The following LRRC8C variants were observed in gnomAD, a reference collection of about 807,000 sequenced individuals.
LRRC8C encodes leucine rich repeat containing 8 VRAC subunit C.
Under a neutral mutation model 55.3 loss-of-function variants are expected in LRRC8C, and 20 were observed. That is an observed-to-expected ratio of 0.36 (90% CI 0.25 to 0.53). The LOEUF is 0.53. Among genes scored for constraint, LRRC8C ranks in the 20% least tolerant of loss-of-function variants. LRRC8C has a pLI of 0.92. For synonymous variants in LRRC8C, 376 were observed against 360.7 expected (o/e 1.04, Z -0.48); for missense variants, 659 against 951.4 (o/e 0.69, Z 4.04).
intron 2 of LRRC8C, among the ~76,000 whole-genome samples, chr1:89,710,983 T>C (rs1658633361): frequency 6.6e-6 from 1 of 152,212 alleles, no homozygotes; most frequent in Non-Finnish European, 1.5e-5. Flanking sequence ...GTACTTGATG[T>C]CATCCGATTA....
chr1:89,640,735 C>T (rs1656431825), intron 1 of LRRC8C, among the ~76,000 whole-genome samples: 1 of 152,112 alleles, frequency 6.6e-6, no homozygotes, highest in South Asian at 2.1e-4. Flanking sequence ...GAGGTATGTC[C>T]AGGGTTTGGA....
At chr1:89,640,279 A>G (rs2002883) in intron 1 of LRRC8C, among the ~76,000 whole-genome samples, 84,783 of 152,070 alleles carry the variant, frequency 0.56, 24,060 homozygotes, top group East Asian at 0.79. Context: ...TGGCCAGGCT[A>G]AGCTTGAACT....
intron 1 of LRRC8C, chr1:89,661,196 A>G (rs1657110428): frequency 4.6e-6 from 1 of 215,444 alleles, no homozygotes; most frequent in Non-Finnish European, 9.6e-6. Context: ...AAGCAGCTTT[A>G]TAGTGAAACA....
intron 2 of LRRC8C, among the ~76,000 whole-genome samples, chr1:89,696,493 G>C (rs897779173): frequency 6.6e-6 from 1 of 152,142 alleles, no homozygotes; most frequent in Admixed American, 6.5e-5. Flanking sequence ...AAGGGGAAGA[G>C]AGAAGAGGGA....
intron 1 of LRRC8C, among the ~76,000 whole-genome samples, chr1:89,648,349 T>C (rs1656669024): frequency 1.3e-5 from 2 of 152,334 alleles, no homozygotes; most frequent in South Asian, 4.1e-4. Flanking sequence ...TTAACATTAC[T>C]GCAACATTGC....
intron 2 of LRRC8C, among the ~76,000 whole-genome samples, chr1:89,710,989 G>A (rs1387009375): frequency 6.6e-6 from 1 of 152,120 alleles, no homozygotes; most frequent in Non-Finnish European, 1.5e-5. Context: ...GATGTCATCC[G>A]ATTAAGATGG....
At chr1:89,678,268 A>C (rs1657602011) in intron 1 of LRRC8C, among the ~76,000 whole-genome samples, 2 of 152,246 alleles carry the variant, frequency 1.3e-5, no homozygotes, top group Non-Finnish European at 2.9e-5. Context: ...TTATTCATCA[A>C]ACATTAGTTG....
chr1:89,634,065 C>T (rs1244193172), intron 1 of LRRC8C, among the ~76,000 whole-genome samples: 1 of 152,206 alleles, frequency 6.6e-6, no homozygotes, highest in Non-Finnish European at 1.5e-5. Flanking sequence ...TCTCCCTCAG[C>T]CGGTTCTTCC....
At chr1:89,636,405 T>C (rs1266279821) in intron 1 of LRRC8C, among the ~76,000 whole-genome samples, 1 of 152,232 alleles carries the variant, frequency 6.6e-6, no homozygotes, top group East Asian at 1.9e-4. Flanking sequence ...TTGAATCACA[T>C]CCTTTTTTGT....
intron 1 of LRRC8C, among the ~76,000 whole-genome samples, chr1:89,668,563 G>A (rs921392991): frequency 1.6e-4 from 25 of 152,234 alleles, no homozygotes; most frequent in African/African-American, 5.8e-4. Context: ...TTCCAAATAG[G>A]TCCTTTTGCC....
At chr1:89,679,566 A>G (rs1657642336) in intron 1 of LRRC8C, among the ~76,000 whole-genome samples, 1 of 152,170 alleles carries the variant, frequency 6.6e-6, no homozygotes, top group East Asian at 1.9e-4. Flanking sequence ...AAAAAACAAC[A>G]AAAGAAAAGA....
intron 1 of LRRC8C, among the ~76,000 whole-genome samples, chr1:89,670,465 T>G (rs1657385995): frequency 6.6e-6 from 1 of 152,192 alleles, no homozygotes; most frequent in South Asian, 2.1e-4. Flanking sequence ...ACTACTTTCT[T>G]TACAACATAT....
chr1:89,705,671 C>T (rs1287592012), intron 2 of LRRC8C, among the ~76,000 whole-genome samples: 1 of 151,874 alleles, frequency 6.6e-6, no homozygotes, highest in Non-Finnish European at 1.5e-5. Context: ...GTCCCAGCCA[C>T]TCAGGAGGCT....
chr1:89,682,268 A>G (rs550147678), intron 1 of LRRC8C, among the ~76,000 whole-genome samples: 1 of 152,362 alleles, frequency 6.6e-6, no homozygotes, highest in Admixed American at 6.5e-5. Context: ...CTTATATTCT[A>G]TCTTATCTAG....
chr1:89,619,433 T>C, the LRRC8C span, among the ~76,000 whole-genome samples: 1 of 150,096 alleles, frequency 6.7e-6, no homozygotes, highest in South Asian at 2.1e-4. Flanking sequence ...ACAATTTATT[T>C]ACATAAATGA....
intron 2 of LRRC8C, among the ~76,000 whole-genome samples, chr1:89,697,771 C>T (rs1041279568): frequency 6.6e-6 from 1 of 152,104 alleles, no homozygotes; most frequent in Non-Finnish European, 1.5e-5. Context: ...TCACCCACCC[C>T]CTTCATTTCT....
At chr1:89,694,754 A>C (rs1658121953) in intron 2 of LRRC8C, among the ~76,000 whole-genome samples, 2 of 151,060 alleles carry the variant, frequency 1.3e-5, no homozygotes, top group Admixed American at 1.3e-4. Flanking sequence ...CACCCAGCTA[A>C]TTTTTGTATT....
At chr1:89,693,200 CAT>C (rs1037168250) in intron 2 of LRRC8C, among the ~76,000 whole-genome samples, 6 of 152,252 alleles carry the variant, frequency 3.9e-5, no homozygotes, top group African/African-American at 1.4e-4. Context: ...AAGGTTAGGA[CAT>C]GTGAGTTTTT....
intron 1 of LRRC8C, among the ~76,000 whole-genome samples, chr1:89,673,819 C>G (rs568398569): frequency 2.6e-5 from 4 of 152,170 alleles, no homozygotes; most frequent in African/African-American, 7.2e-5. Flanking sequence ...GGAAAGTACT[C>G]TCTGACAGAG....
Sources: allele counts gnomAD v4.1 joint callset (sites outside exome capture counted in the v4.1 genomes callset), GRCh38; gene constraint gnomAD v4.1.1; transcripts MANE v1.5; gene names NCBI Gene and HGNC (gene_info 2026-07-23, HGNC 2026-07-21).